Variants in PADI3 observed in about 807,000 individuals in gnomAD.
PADI3 encodes protein-arginine deiminase type-3.
PADI3 carries 53 observed loss-of-function variants against 71.5 expected under a neutral mutation model. That is an observed-to-expected ratio of 0.74 (90% confidence interval 0.59 to 0.93). The LOEUF (loss-of-function observed/expected upper bound fraction) is 0.93, where lower values mean the gene tolerates loss of function less well. Among genes scored for constraint, PADI3 ranks in the 40% least tolerant of loss-of-function variants. The probability of loss-of-function intolerance (pLI) is 0.00; values close to 1 mark genes in which losing one functional copy is unlikely to be tolerated. For missense variants in PADI3, 821 were observed against 868.0 expected (o/e 0.95, Z 0.68); for synonymous variants, 361 against 347.5 (o/e 1.04, Z -0.43).
At chr1:17,278,314 A>C (rs1309834873) in intron 13 of PADI3, among the ~76,000 whole-genome samples, 1 of 151,992 alleles carries the variant, frequency 6.6e-6, no homozygotes, top group Non-Finnish European at 1.5e-5. Flanking sequence ...TGCAGCCTCG[A>C]CCTCCCAGAC....
At chr1:17,268,141 G>A (rs193238827) in intron 6 of PADI3, among the ~76,000 whole-genome samples, 179 bp downstream of exon 6, 37 of 152,330 alleles carry the variant, frequency 2.4e-4, no homozygotes, top group Admixed American at 2.1e-3. Context: ...CTGATGAACT[G>A]GTGCCCCCAG....
At position 17,282,912 on chromosome 1, in the gene PADI3, T is replaced by G; in HGVS notation, c.1828T>G (p.Cys610Gly). The G allele has an allele frequency of 1.9e-6, 3 of 1,614,152 alleles. No homozygotes were observed. Among genetic ancestry groups the G allele is most frequent in the East Asian group, 2.2e-5 (1 of 44,868 alleles). ...PKPFGPIINGCCCLEEKVRSL... is the reference protein window; with the variant it reads ...PKPFGPIINGGCCLEEKVRSL... ...GCCCTTTGGGCCCATCATCAATGGC[T>G]GCTGCTGCCTGGAGGAGAAGGTGCG... The change falls in exon 16 of 16, where the codon TGC becomes GGC. Residue 610 changes from cysteine to glycine, a missense_variant. By Grantham distance (159) the Cys-to-Gly change is radical (BLOSUM62 -3). Coordinates refer to ENST00000375460, the MANE Select transcript of PADI3 (RefSeq NM_016233.2).
rs2073158040 is a variant in PADI3, at chr1:17,265,647, C to T, written c.347-12C>T. 3 of 1,613,794 alleles carry T rather than the reference C, an allele frequency of 1.9e-6. No homozygotes were observed. Among genetic ancestry groups the T allele is most frequent in the Non-Finnish European group, 8.5e-7 (1 of 1,179,656 alleles). On this transcript the variant is annotated splice_polypyrimidine_tract_variant and intron_variant, in intron 3 of 15. Transcript: ENST00000375460. ...AACCTTGTAGTGACTTACCCTCTGC[C>T]TCCTCTTGCAGACATCTCTCTGGAT...
chr1:17,254,416 C>T (rs2073003188), intron 1 of PADI3, among the ~76,000 whole-genome samples: 1 of 152,102 alleles, frequency 6.6e-6, no homozygotes, highest in African/African-American at 2.4e-5. Flanking sequence ...AAGTCCAGGC[C>T]CTGAGTCCAT....
At chr1:17,274,908 T>A in intron 11 of PADI3, 122 bp downstream of exon 11, 1 of 1,054,660 alleles carries the variant, frequency 9.5e-7, no homozygotes, top group Non-Finnish European at 1.4e-6. Context: ...ATGATGAAAT[T>A]ATACTCCCGG....
intron 1 of PADI3, among the ~76,000 whole-genome samples, chr1:17,256,775 G>A (rs914393408): frequency 6.6e-6 from 1 of 152,150 alleles, no homozygotes; most frequent in African/African-American, 2.4e-5. Flanking sequence ...GGTGGCTCGC[G>A]CCTGTAATCC....
chr1:17,267,038 C>A (rs1470756471), intron 5 of PADI3, among the ~76,000 whole-genome samples: 1 of 152,198 alleles, frequency 6.6e-6, no homozygotes, highest in Non-Finnish European at 1.5e-5. Context: ...TGAGCACTCA[C>A]ATGCCAGGGC....
In PADI3 at chr1:17,272,855, T is replaced by C. The variant is rs143784240; in HGVS notation, c.1048-485T>C. Among the ~76,000 whole-genome samples, 53 of 152,344 alleles carry C rather than the reference T, an allele frequency of 3.5e-4. No homozygotes were observed. The East Asian group carries it at 9.2e-3, about 27-fold the overall frequency. On this transcript the variant is annotated intron_variant, in intron 9 of 15. Transcript: ENST00000375460. Reference sequence around the variant, plus strand: ...TTTCCTCATCTGTCACATGGGATAATTATGGTGCCCACGCCCAGGCATGTC... The same window carrying C: ...TTTCCTCATCTGTCACATGGGATAACTATGGTGCCCACGCCCAGGCATGTC...
intron 11 of PADI3, 27 bp downstream of exon 11, chr1:17,274,813 C>T: frequency 3.1e-6 from 5 of 1,607,568 alleles, no homozygotes; most frequent in East Asian, 2.2e-5. Flanking sequence ...GAATGGAGTT[C>T]CTGGGGTGGA....
chr1:17,255,123 C>G (rs1387644237), intron 1 of PADI3, among the ~76,000 whole-genome samples: 1 of 152,234 alleles, frequency 6.6e-6, no homozygotes, highest in Non-Finnish European at 1.5e-5. Flanking sequence ...ACCTGGAGCA[C>G]TTCTAAGAAT....
At chr1:17,257,276 C>A (rs1167160094) in intron 1 of PADI3, among the ~76,000 whole-genome samples, 1 of 152,212 alleles carries the variant, frequency 6.6e-6, no homozygotes, top group Admixed American at 6.5e-5. Context: ...TCTGCCATTT[C>A]CCCTGTGGGG....
At chr1:17,263,498 C>T (rs1450990293) in intron 3 of PADI3, among the ~76,000 whole-genome samples, 1 of 151,982 alleles carries the variant, frequency 6.6e-6, no homozygotes, top group Non-Finnish European at 1.5e-5. Context: ...CAAAAATAAA[C>T]TTCAAGTCAG....
intron 2 of PADI3, 83 bp downstream of exon 2, chr1:17,259,841 C>T (rs1258445648): frequency 7.9e-7 from 1 of 1,265,362 alleles, no homozygotes; most frequent in African/African-American, 1.5e-5. Context: ...TTCTCTTTCT[C>T]CAGAGCGCAG....
intron 1 of PADI3, among the ~76,000 whole-genome samples, chr1:17,258,204 A>C (rs1301440877): frequency 6.6e-6 from 1 of 152,238 alleles, no homozygotes; most frequent in Non-Finnish European, 1.5e-5. Flanking sequence ...AGGGGCATGC[A>C]TGCCGCTGCC....
At chr1:17,274,851 G>T in intron 11 of PADI3, 65 bp downstream of exon 11, 1 of 1,508,214 alleles carries the variant, frequency 6.6e-7, no homozygotes, top group Non-Finnish European at 9.1e-7. Flanking sequence ...GGTGATGATG[G>T]TGGAGCAGGG....
intron 3 of PADI3, among the ~76,000 whole-genome samples, chr1:17,265,446 G>C (rs774519563): frequency 6.6e-6 from 1 of 152,194 alleles, no homozygotes; most frequent in Admixed American, 6.5e-5. Flanking sequence ...TCTCCCTAGA[G>C]GGGGCAGCAT....
At chr1:17,277,170 C>T (rs530984362) in intron 13 of PADI3, among the ~76,000 whole-genome samples, 2 of 151,326 alleles carry the variant, frequency 1.3e-5, no homozygotes, top group Non-Finnish European at 2.9e-5. Context: ...TAATGTTCTG[C>T]AGTCACTATC....
chr1:17,279,399 G>A (rs967387319), intron 13 of PADI3, among the ~76,000 whole-genome samples: 1 of 152,180 alleles, frequency 6.6e-6, no homozygotes, highest in Non-Finnish European at 1.5e-5. Flanking sequence ...GCTCAGAGAG[G>A]GGATGTCACT....
At chr1:17,265,505 C>G (rs1263782886) in intron 3 of PADI3, among the ~76,000 whole-genome samples, 154 bp from the exon 4 acceptor site, 1 of 152,174 alleles carries the variant, frequency 6.6e-6, no homozygotes, top group African/African-American at 2.4e-5. Context: ...AGGCCTCTTT[C>G]CCCAGCCCAG....
Sources: gnomAD v4.1 joint callset for allele counts (sites outside exome capture counted in the v4.1 genomes callset) on GRCh38, gnomAD v4.1.1 for gene constraint, MANE v1.5 for transcripts, NCBI Gene and HGNC (gene_info 2026-07-23, HGNC 2026-07-21) for gene names.